Variants in DMRT1 observed in about 807,000 individuals in gnomAD.
DMRT1 encodes the protein doublesex and mab-3 related transcription factor 1, also known as doublesex- and mab-3-related transcription factor 1.
A neutral mutation model predicts 32.3 loss-of-function variants in DMRT1; 7 were observed. The ratio of observed to expected loss-of-function variants is 0.22; its 90% CI spans 0.12 to 0.41. The LOEUF is 0.41. DMRT1 is among the 10% of genes least tolerant of loss of function. The probability of loss-of-function intolerance (pLI) is 1.00; values close to 1 mark genes in which losing one functional copy is unlikely to be tolerated. For missense variants in DMRT1, 625 were observed against 500.5 expected, an observed-to-expected ratio of 1.25 and a Z score of -2.37; for synonymous variants, 278 against 206.1, an observed-to-expected ratio of 1.35 and a Z score of -2.99.
At chr9:862,590 A>G (rs1263806242) in intron 2 of DMRT1, among the ~76,000 whole-genome samples, 3 of 152,046 alleles carry the variant, frequency 2.0e-5, no homozygotes, top group Non-Finnish European at 2.9e-5. Flanking sequence ...GTGGTGTTTG[A>G]AGGGAACTGG....
At chr9:892,682 T>C (rs1373208999) in intron 2 of DMRT1, among the ~76,000 whole-genome samples, 1 of 152,094 alleles carries the variant, frequency 6.6e-6, no homozygotes, top group Non-Finnish European at 1.5e-5. Flanking sequence ...ATAAATCTCC[T>C]CCAAGCACAG....
intron 4 of DMRT1, among the ~76,000 whole-genome samples, chr9:953,944 GAGTGAA>G (rs1819512584): frequency 6.6e-6 from 1 of 152,166 alleles, no homozygotes; most frequent in East Asian, 1.9e-4. Context: ...TCCATAATGA[GAGTGAA>G]AGTGATAGTG....
At chr9:900,143 T>A (rs1044983898) in intron 3 of DMRT1, among the ~76,000 whole-genome samples, 1 of 86,006 alleles carries the variant, frequency 1.2e-5, no homozygotes, top group African/African-American at 3.3e-5. Context: ...ATCCCTGGAG[T>A]TGGGGATTGC....
At chr9:858,975 C>T (rs1815532842) in intron 2 of DMRT1, among the ~76,000 whole-genome samples, 1 of 151,680 alleles carries the variant, frequency 6.6e-6, no homozygotes, top group Admixed American at 6.6e-5. Flanking sequence ...CACCACCATC[C>T]ATCTCCAGAA....
chr9:935,709 T>G (rs931628461), intron 4 of DMRT1, among the ~76,000 whole-genome samples: 1 of 152,336 alleles, frequency 6.6e-6, no homozygotes, highest in African/African-American at 2.4e-5. Context: ...CAGCGCTAAA[T>G]GGACTGTAAT....
intron 4 of DMRT1, among the ~76,000 whole-genome samples, chr9:947,105 C>A (rs1819271359): frequency 1.3e-5 from 2 of 152,184 alleles, no homozygotes; most frequent in Non-Finnish European, 2.9e-5. Flanking sequence ...GGAATTGAAC[C>A]CTACCCCATT....
intron 3 of DMRT1, among the ~76,000 whole-genome samples, chr9:903,508 T>C (rs866100364): frequency 3.9e-5 from 6 of 152,234 alleles, no homozygotes; most frequent in Admixed American, 6.5e-5. Flanking sequence ...ATGCTTTTGA[T>C]CCTGCAGCAA....
Position 842,099 on chromosome 9 carries a change from G to C in DMRT1, c.261G>C (p.Pro87=). The change falls in exon 1 of 5, where the codon CCG becomes CCC. Residue 87 remains proline (P), a synonymous_variant. Coordinates refer to ENST00000382276, the MANE Select transcript of DMRT1 (RefSeq NM_021951.3). Reference sequence around the variant, plus strand: ...GCAGGAACCACGGCTACGCCTCGCCGCTCAAGGGCCACAAGCGCTTCTGCA... The same window carrying C: ...GCAGGAACCACGGCTACGCCTCGCCCCTCAAGGGCCACAAGCGCTTCTGCA... ...ARCRNHGYAS[P]LKGHKRFCMW... is the part of the protein sequence containing the mutation. 1 of 1,547,464 alleles carries C rather than the reference G, an allele frequency of 6.5e-7. No homozygotes were observed. Among genetic ancestry groups the C allele is most frequent in the South Asian group, 1.2e-5 (1 of 84,722 alleles).
chr9:895,221 C>T (rs1399385804), intron 3 of DMRT1, among the ~76,000 whole-genome samples: 1 of 152,136 alleles, frequency 6.6e-6, no homozygotes, highest in South Asian at 2.1e-4. Context: ...TAGGGCTGTT[C>T]TGCTTCCTCA....
At chr9:872,353 G>A (rs1350779002) in intron 2 of DMRT1, among the ~76,000 whole-genome samples, 18 of 152,176 alleles carry the variant, frequency 1.2e-4, no homozygotes, top group Admixed American at 5.2e-4. Context: ...GAGCCAGTGC[G>A]CCCGGCCAAA....
intron 2 of DMRT1, among the ~76,000 whole-genome samples, chr9:871,372 A>G (rs1200274666): frequency 2.1e-5 from 3 of 139,840 alleles, no homozygotes; most frequent in South Asian, 2.3e-4. Context: ...TTGCCCTGTC[A>G]CCCAGGCTGG....
intron 4 of DMRT1, among the ~76,000 whole-genome samples, chr9:936,237 A>G (rs891456337): frequency 1.3e-5 from 2 of 152,178 alleles, no homozygotes; most frequent in African/African-American, 4.8e-5. Flanking sequence ...GTTGAAATGT[A>G]TGCATTCCTT....
chr9:878,202 C>CCA (rs1474062672), intron 2 of DMRT1, among the ~76,000 whole-genome samples: 1 of 94,832 alleles, frequency 1.1e-5, no homozygotes, highest in African/African-American at 3.9e-5. Context: ...CAGCTGCTGC[C>CCA]CCCCCCCCAC....
At chr9:929,703 G>A (rs1190131605) in intron 4 of DMRT1, among the ~76,000 whole-genome samples, 1 of 151,944 alleles carries the variant, frequency 6.6e-6, no homozygotes, top group Non-Finnish European at 1.5e-5. Flanking sequence ...ATTTTGTTCC[G>A]TTGTCCCCCT....
chr9:871,108 C>T lies in DMRT1; in HGVS notation c.539-22804C>T, dbSNP rs1816228389. 3.3e-5 allele frequency among the ~76,000 whole-genome samples: 5 copies of T among 151,608 alleles called. No individual in the cohort carries two copies. In the South Asian group the frequency reaches 1.0e-3, roughly 32 times the overall value. ...TGGAGTGCAATGGGGCAATCATGGG[C>T]ACATTGCAACCTTCGCCTTCTGGGC... On this transcript the variant is annotated intron_variant, in intron 2 of 4. Transcript: ENST00000382276.
intron 4 of DMRT1, among the ~76,000 whole-genome samples, chr9:950,275 G>C (rs764618445): frequency 6.6e-6 from 1 of 151,980 alleles, no homozygotes; most frequent in African/African-American, 2.4e-5. Flanking sequence ...AGAGATACTT[G>C]GGCAACAGAT....
At chr9:854,054 C>T (rs925554924) in intron 2 of DMRT1, among the ~76,000 whole-genome samples, 1 of 151,436 alleles carries the variant, frequency 6.6e-6, no homozygotes, top group Non-Finnish European at 1.5e-5. Flanking sequence ...AGGAGTTGAA[C>T]TCCTGCTTCA....
intron 2 of DMRT1, among the ~76,000 whole-genome samples, chr9:871,399 C>G (rs1415581847): frequency 6.6e-6 from 1 of 150,754 alleles, no homozygotes; most frequent in Non-Finnish European, 1.5e-5. Context: ...GTGGCACAAT[C>G]TCGGCTCACT....
intron 4 of DMRT1, among the ~76,000 whole-genome samples, chr9:919,514 T>G (rs922006160): frequency 6.6e-6 from 1 of 152,216 alleles, no homozygotes; most frequent in African/African-American, 2.4e-5. Context: ...CCATTCCTTC[T>G]TTCCTTATCC....
Sources: allele counts gnomAD v4.1 joint callset (sites outside exome capture counted in the v4.1 genomes callset), GRCh38; gene constraint gnomAD v4.1.1; transcripts MANE v1.5; gene names NCBI Gene and HGNC (gene_info 2026-07-23, HGNC 2026-07-21).